Variants in RAB38 observed in about 807,000 individuals in gnomAD.
RAB38 encodes the protein RAB38, member RAS oncogene family, also known as ras-related protein Rab-38.
Under a neutral mutation model 18.4 loss-of-function variants are expected in RAB38, and 15 were observed. The ratio of observed to expected loss-of-function variants is 0.82; its 90% CI spans 0.55 to 1.26. The LOEUF (loss-of-function observed/expected upper bound fraction) is 1.26, where lower values mean the gene tolerates loss of function less well. Among genes scored for constraint, RAB38 ranks in the 50% most tolerant of loss-of-function variants. The probability of loss-of-function intolerance (pLI) is 0.00; values close to 1 mark genes in which losing one functional copy is unlikely to be tolerated. For synonymous variants in RAB38, 101 were observed against 104.4 expected (o/e 0.97, Z 0.20); for missense variants, 294 against 267.4 (o/e 1.10, Z -0.69).
At chr11:88,096,610 G>C in the RAB38 span, among the ~76,000 whole-genome samples, 1 of 151,558 alleles carries the variant, frequency 6.6e-6, no homozygotes, top group Non-Finnish European at 1.5e-5. Flanking sequence ...CTAAGTTGTT[G>C]ATAAATGAGT....
At chr11:87,954,546 ACAG>A in the RAB38 span, among the ~76,000 whole-genome samples, 1 of 151,858 alleles carries the variant, frequency 6.6e-6, no homozygotes, top group South Asian at 2.1e-4. Context: ...TAGAGAAGGA[ACAG>A]CCTTGTTGAG....
At chr11:87,843,946 A>G in the RAB38 span, among the ~76,000 whole-genome samples, 7 of 152,160 alleles carry the variant, frequency 4.6e-5, no homozygotes, top group African/African-American at 1.7e-4. Context: ...AAACTAGACA[A>G]TCCTGGAGAT....
At chr11:87,969,917 G>A in the RAB38 span, among the ~76,000 whole-genome samples, 3 of 152,086 alleles carry the variant, frequency 2.0e-5, no homozygotes, top group Non-Finnish European at 4.4e-5. Context: ...CCATATTTGA[G>A]GAGAGGTAGG....
chr11:87,845,674 A>C, the RAB38 span, among the ~76,000 whole-genome samples: 8 of 152,288 alleles, frequency 5.3e-5, no homozygotes, highest in African/African-American at 1.9e-4. Context: ...AAAGTCTTAC[A>C]TTTATAAATT....
At chr11:88,040,856 G>A in the RAB38 span, among the ~76,000 whole-genome samples, 2 of 152,200 alleles carry the variant, frequency 1.3e-5, no homozygotes, top group Non-Finnish European at 2.9e-5. Context: ...CATGTTGCAC[G>A]AATGGAGACT....
chr11:87,855,567 T>G, the RAB38 span, among the ~76,000 whole-genome samples: 10 of 152,252 alleles, frequency 6.6e-5, 1 homozygote, highest in Admixed American at 1.3e-4. Flanking sequence ...GGTTGGAGAA[T>G]AGAAAAAATA....
chr11:88,004,154 A>G, the RAB38 span, among the ~76,000 whole-genome samples: 26 of 149,422 alleles, frequency 1.7e-4, no homozygotes, highest in Admixed American at 1.5e-3. Flanking sequence ...TATTACTTAT[A>G]GAACAATTGC....
chr11:88,169,905 A>G (rs892797766), intron 1 of RAB38, among the ~76,000 whole-genome samples: 4 of 152,344 alleles, frequency 2.6e-5, no homozygotes, highest in African/African-American at 9.6e-5. Context: ...ATCTTATTCA[A>G]TTATTATCCT....
At chr11:87,966,127 G>C in the RAB38 span, among the ~76,000 whole-genome samples, 1 of 152,046 alleles carries the variant, frequency 6.6e-6, no homozygotes, top group African/African-American at 2.4e-5. Flanking sequence ...CATCCACAAA[G>C]GCACCAGCCA....
chr11:87,948,444 T>C, the RAB38 span, among the ~76,000 whole-genome samples: 225 of 151,618 alleles, frequency 1.5e-3, no homozygotes, highest in African/African-American at 5.2e-3. Flanking sequence ...TGAATAGGAG[T>C]GGTGAGAGAG....
chr11:87,816,401 G>A, the RAB38 span: 5 of 152,292 alleles, frequency 3.3e-5, no homozygotes, highest in Non-Finnish European at 7.4e-5. Flanking sequence ...TATTTGGGAG[G>A]TATAATGGTT....
At chr11:87,881,161 A>G in the RAB38 span, among the ~76,000 whole-genome samples, 1 of 151,816 alleles carries the variant, frequency 6.6e-6, no homozygotes, top group African/African-American at 2.4e-5. Flanking sequence ...CTTTGTTGTA[A>G]TAGCATCTCC....
intron 1 of RAB38, among the ~76,000 whole-genome samples, chr11:88,163,347 A>G (rs1339345336): frequency 1.3e-5 from 2 of 152,160 alleles, no homozygotes; most frequent in Non-Finnish European, 2.9e-5. Flanking sequence ...CCCCAGCAGG[A>G]AAAGGTGTAG....
the RAB38 span, among the ~76,000 whole-genome samples, chr11:88,099,220 GA>G: frequency 2.6e-5 from 4 of 151,850 alleles, no homozygotes; most frequent in Non-Finnish European, 5.9e-5. Context: ...TATGCAAACT[GA>G]TTATGTATAA....
At chr11:88,052,804 T>C in the RAB38 span, among the ~76,000 whole-genome samples, 1 of 149,048 alleles carries the variant, frequency 6.7e-6, no homozygotes, top group African/African-American at 2.5e-5. Context: ...CTTTACTTGC[T>C]GGGCATTTGG....
the RAB38 span, among the ~76,000 whole-genome samples, chr11:87,853,842 A>G: frequency 6.6e-6 from 1 of 152,224 alleles, no homozygotes; most frequent in Non-Finnish European, 1.5e-5. Flanking sequence ...ATGTTTCACC[A>G]GCTCATAATC....
chr11:87,905,484 ATACTTG>A, the RAB38 span, among the ~76,000 whole-genome samples: 6 of 151,904 alleles, frequency 3.9e-5, no homozygotes, highest in South Asian at 1.2e-3. Flanking sequence ...ATTGGATTTG[ATACTTG>A]CAGACTTAAT....
the RAB38 span, among the ~76,000 whole-genome samples, chr11:87,934,661 C>A: frequency 6.6e-6 from 1 of 152,036 alleles, no homozygotes; most frequent in Non-Finnish European, 1.5e-5. Context: ...TCCAAGCCTA[C>A]CACTTGTCTC....
the RAB38 span, among the ~76,000 whole-genome samples, chr11:88,024,750 A>G: frequency 1.3e-5 from 2 of 152,286 alleles, no homozygotes; most frequent in Admixed American, 6.5e-5. Flanking sequence ...GATGAAATAA[A>G]CCAGGCACAG....
Sources: allele counts gnomAD v4.1 joint callset (sites outside exome capture counted in the v4.1 genomes callset), GRCh38; gene constraint gnomAD v4.1.1; transcripts MANE v1.5; gene names NCBI Gene and HGNC (gene_info 2026-07-23, HGNC 2026-07-21).